Variants in UNC13C observed in about 807,000 individuals in gnomAD.
The protein encoded by UNC13C is protein unc-13 homolog C.
UNC13C carries 174 observed loss-of-function variants against 245.4 expected under a neutral mutation model. That is an observed-to-expected ratio of 0.71 (90% confidence interval 0.63 to 0.80). UNC13C has a LOEUF of 0.80. Ranked by LOEUF, UNC13C falls within the 30% of genes least tolerant of loss-of-function variation. UNC13C has a pLI of 0.00. For synonymous variants in UNC13C, 992 were observed against 895.1 expected (o/e 1.11, Z -1.93); for missense variants, 2,829 against 2,602.9 (o/e 1.09, Z -1.89).
intron 30 of UNC13C, among the ~76,000 whole-genome samples, chr15:54,590,907 C>G (rs1898751325): frequency 6.6e-6 from 1 of 152,162 alleles, no homozygotes; most frequent in South Asian, 2.1e-4. Context: ...TTTCCCCATT[C>G]AGAATTATGC....
At chr15:54,147,909 G>A (rs1245208478) in intron 4 of UNC13C, among the ~76,000 whole-genome samples, 1 of 151,936 alleles carries the variant, frequency 6.6e-6, no homozygotes, top group African/African-American at 2.4e-5. Flanking sequence ...AGTTTGAGGA[G>A]GATATTATCA....
chr15:54,074,995 G>A (rs1431653872), intron 2 of UNC13C, among the ~76,000 whole-genome samples: 2 of 152,114 alleles, frequency 1.3e-5, no homozygotes, highest in African/African-American at 4.8e-5. Flanking sequence ...AACTGGTGAT[G>A]TAGGTTTTTA....
chr15:54,611,508 A>C (rs940879432), intron 30 of UNC13C: 1 of 152,222 alleles, frequency 6.6e-6, no homozygotes, highest in African/African-American at 2.4e-5. Context: ...AAAGAAGAGA[A>C]GGTCCATCCA....
intron 30 of UNC13C, among the ~76,000 whole-genome samples, chr15:54,574,932 C>T (rs28433347): frequency 0.031 from 4,663 of 152,228 alleles, 218 homozygotes; most frequent in African/African-American, 0.11. Context: ...TATTAATATA[C>T]TTCAGTATGC....
intron 19 of UNC13C, among the ~76,000 whole-genome samples, chr15:54,425,035 A>G (rs1273817109): frequency 1.3e-5 from 2 of 151,972 alleles, no homozygotes; most frequent in East Asian, 3.9e-4. Context: ...TATGTATACA[A>G]TGCCATGTGC....
chr15:54,185,426 C>G (rs2033944654), intron 4 of UNC13C, among the ~76,000 whole-genome samples: 1 of 150,030 alleles, frequency 6.7e-6, no homozygotes, highest in East Asian at 2.0e-4. Context: ...AGTCTTTAAT[C>G]CATCTTGAAT....
the UNC13C span, among the ~76,000 whole-genome samples, chr15:53,845,221 A>G: frequency 4.6e-5 from 7 of 151,604 alleles, no homozygotes; most frequent in African/African-American, 1.7e-4. Flanking sequence ...GCTACTCAGG[A>G]GGCTGAGGCA....
At chr15:54,294,608 G>A (rs1317913496) in intron 11 of UNC13C, among the ~76,000 whole-genome samples, 1 of 152,046 alleles carries the variant, frequency 6.6e-6, no homozygotes, top group Non-Finnish European at 1.5e-5. Context: ...TATGGAACCA[G>A]AAATTAAATA....
At chr15:54,578,782 A>C in intron 30 of UNC13C, among the ~76,000 whole-genome samples, 1 of 152,170 alleles carries the variant, frequency 6.6e-6, no homozygotes, top group East Asian at 1.9e-4. Context: ...AGCAGGGAGA[A>C]CTGCTTGAGG....
At chr15:54,570,147 C>T (rs1897691709) in intron 30 of UNC13C, among the ~76,000 whole-genome samples, 1 of 152,144 alleles carries the variant, frequency 6.6e-6, no homozygotes, top group African/African-American at 2.4e-5. Context: ...TTTCTGGGGA[C>T]CCTCCTATCT....
chr15:54,399,130 A>G (rs1459166660), intron 18 of UNC13C, among the ~76,000 whole-genome samples: 1 of 151,676 alleles, frequency 6.6e-6, no homozygotes, highest in Non-Finnish European at 1.5e-5. Flanking sequence ...GTGTTAAGGA[A>G]GAAAGTAGAG....
chr15:54,283,702 A>G (rs528080620), intron 10 of UNC13C, among the ~76,000 whole-genome samples: 2,737 of 91,338 alleles, frequency 0.03, 87 homozygotes, highest in African/African-American at 0.1. Flanking sequence ...ATATGTGTGT[A>G]TATATATATG....
chr15:54,307,742 T>C (rs974452643), intron 13 of UNC13C, among the ~76,000 whole-genome samples: 1 of 151,946 alleles, frequency 6.6e-6, no homozygotes, highest in Non-Finnish European at 1.5e-5. Context: ...TTATTTATTT[T>C]CCAGTCACAC....
At chr15:54,567,043 A>G (rs1475095055) in intron 29 of UNC13C, among the ~76,000 whole-genome samples, 3 of 152,122 alleles carry the variant, frequency 2.0e-5, no homozygotes, top group Non-Finnish European at 4.4e-5. Context: ...GTTCTATCAT[A>G]TATCTCTAGA....
At chr15:53,857,506 AT>A in the UNC13C span, among the ~76,000 whole-genome samples, 1 of 152,164 alleles carries the variant, frequency 6.6e-6, no homozygotes, top group Non-Finnish European at 1.5e-5. Flanking sequence ...ACTCCTGAGA[AT>A]TTTTAGAAGT....
upstream of UNC13C, among the ~76,000 whole-genome samples, chr15:53,976,161 A>C (rs1005498604): frequency 2.0e-5 from 3 of 152,178 alleles, no homozygotes; most frequent in African/African-American, 7.2e-5. Flanking sequence ...TAACGGCAAC[A>C]TATTTTATTA....
At chr15:54,045,021 A>T (rs923835225) in intron 2 of UNC13C, among the ~76,000 whole-genome samples, 2 of 151,998 alleles carry the variant, frequency 1.3e-5, no homozygotes, top group Non-Finnish European at 2.9e-5. Context: ...TCAATCTGTG[A>T]GTTGTCTTTT....
chr15:53,960,058 T>A, the UNC13C span, among the ~76,000 whole-genome samples: 29 of 152,196 alleles, frequency 1.9e-4, no homozygotes, highest in Non-Finnish European at 7.4e-5. Flanking sequence ...ACCCTCTCTC[T>A]TACCCTCTCT....
intron 7 of UNC13C, among the ~76,000 whole-genome samples, chr15:54,241,018 G>C (rs1377261296): frequency 6.6e-6 from 1 of 152,210 alleles, no homozygotes; most frequent in African/African-American, 2.4e-5. Flanking sequence ...TTACCATACA[G>C]TGGGAGGGGG....
Sources: gnomAD v4.1 joint callset for allele counts (sites outside exome capture counted in the v4.1 genomes callset) on GRCh38, gnomAD v4.1.1 for gene constraint, MANE v1.5 for transcripts, NCBI Gene and HGNC (gene_info 2026-07-23, HGNC 2026-07-21) for gene names.